SLC12A9: variants seen among roughly 807,000 people sequenced by gnomAD.
SLC12A9 encodes the protein solute carrier family 12 member 9, also known as CCC-interacting protein 1.
A neutral mutation model predicts 66.0 loss-of-function variants in SLC12A9; 55 were observed. The observed-to-expected ratio is 0.83, with a 90% confidence interval of 0.67 to 1.04. The LOEUF (loss-of-function observed/expected upper bound fraction) is 1.04. Ranked by LOEUF, SLC12A9 falls within the 50% of genes least tolerant of loss-of-function variation. The probability of loss-of-function intolerance (pLI) is 0.00; values close to 1 mark genes in which losing one functional copy is unlikely to be tolerated. For synonymous variants in SLC12A9, 577 were observed against 569.0 expected (o/e 1.01, Z -0.20); for missense variants, 1,061 against 1,241.9 (o/e 0.85, Z 2.19).
At chr7:100,854,853 G>A (rs1814286986) in intron 3 of SLC12A9, 99 bp downstream of exon 3, 2 of 1,510,626 alleles carry the variant, frequency 1.3e-6, no homozygotes, top group South Asian at 1.2e-5. Flanking sequence ...GGCAAGACAA[G>A]TGTTTTTTTC....
chr7:100,863,667 G>T (rs1369249500), intron 13 of SLC12A9, among the ~76,000 whole-genome samples: 1 of 152,236 alleles, frequency 6.6e-6, no homozygotes, highest in Non-Finnish European at 1.5e-5. Context: ...TGGGGCGGAC[G>T]TCTGTGGATG....
At chr7:100,840,759 G>GA (rs1005106342) in intron 1 of SLC12A9, among the ~76,000 whole-genome samples, 22 of 144,336 alleles carry the variant, frequency 1.5e-4, no homozygotes, top group South Asian at 4.4e-4. Context: ...AAGCAGTTAA[G>GA]AAAAAAAAAA....
At chr7:100,857,574 C>T (rs1584697661) in intron 5 of SLC12A9, 1 of 194,804 alleles carries the variant, frequency 5.1e-6, no homozygotes, top group East Asian at 1.3e-4. Flanking sequence ...GTGGGGGATT[C>T]AGCCAGGAGC....
In SLC12A9 at chr7:100,866,419, G is replaced by GGGTGGGCCGGAGGGTGGGGATGC; in HGVS notation, c.2560_2582dup (p.Glu862ValfsTer40). The GGGTGGGCCGGAGGGTGGGGATGC allele has an allele frequency of 6.5e-7, 1 of 1,545,450 alleles. No individual in the cohort carries two copies. The highest frequency in any genetic ancestry group is 8.7e-7 in the Non-Finnish European group (1 of 1,144,366). ...AGGGGCGCGGCACAGGAGGAGGGCCGGGTGGGCCGGAGGGTGGGGATGCTG... is the reference window on the plus strand; with the variant it reads ...AGGGGCGCGGCACAGGAGGAGGGCCGGGTGGGCCGGAGGGTGGGGATGCGGTGGGCCGGAGGGTGGGGATGCTG... On this transcript the variant is annotated frameshift_variant, in exon 14 of 14. Transcript: ENST00000354161. LOFTEE classifies it high-confidence loss of function. The surrounding 1 kb of genome is among the most constrained non-coding windows in gnomAD (Gnocchi z 7.3).
chr7:100,849,647 G>A (rs567096000), upstream of SLC12A9, among the ~76,000 whole-genome samples: 7 of 151,812 alleles, frequency 4.6e-5, no homozygotes, highest in South Asian at 2.1e-4. Flanking sequence ...CCTGGGATGC[G>A]GAGGGTGCAG....
intron 1 of SLC12A9, among the ~76,000 whole-genome samples, chr7:100,847,701 T>C (rs1271404381): frequency 6.6e-6 from 1 of 152,046 alleles, no homozygotes; most frequent in Non-Finnish European, 1.5e-5. Flanking sequence ...GTTTCCGGCC[T>C]GAGAGGACCA....
chr7:100,854,993 G>A (rs1360409112), intron 3 of SLC12A9, among the ~76,000 whole-genome samples: 4 of 151,956 alleles, frequency 2.6e-5, no homozygotes, highest in South Asian at 2.1e-4. Flanking sequence ...GTGAAACCCC[G>A]ACTCCACTAA....
chr7:100,861,690 G>C lies in SLC12A9; in HGVS notation c.1537-47G>C. On this transcript the variant is annotated intron_variant, in intron 11 of 13. Coordinates refer to ENST00000354161, the MANE Select transcript of SLC12A9 (RefSeq NM_020246.4). This position sits in a 1 kb window ranked among gnomAD's most constrained non-coding sequence, Gnocchi z 5.3. ...CGTCCAGGAGGCGCTGAACGGGGCT[G>C]TGCATTTGATCCTGCCACTTCCCCA... The C allele has an allele frequency of 6.2e-7, 1 of 1,612,864 alleles. No individual in the cohort carries two copies. Among genetic ancestry groups the C allele is most frequent in the Non-Finnish European group, 8.5e-7 (1 of 1,178,942 alleles).
chr7:100,861,764 G>A lies in SLC12A9; in HGVS notation c.1564G>A (p.Val522Ile), dbSNP rs757311730. The A allele has an allele frequency of 9.3e-6, 15 of 1,613,960 alleles. No individual in the cohort carries two copies. In the Admixed American group the frequency reaches 1.2e-4, roughly 13 times the overall value. The change falls in exon 12 of 14, where the codon GTC (valine) becomes ATC (isoleucine). Residue 522 changes from valine (V) to isoleucine (I), a missense_variant. Transcript: ENST00000354161. The surrounding 1 kb of genome is among the most constrained non-coding windows in gnomAD (Gnocchi z 5.3). ...GCGTAAGTATCTGCTTCGGCTGGAC[G>A]TCCGGAAGGATCACGTGAAGTTCTG... ...QVRKYLLRLD[V>I]RKDHVKFWRP...
At chr7:100,841,058 G>A (rs960259925) in intron 1 of SLC12A9, among the ~76,000 whole-genome samples, 78 of 151,948 alleles carry the variant, frequency 5.1e-4, no homozygotes, top group Non-Finnish European at 5.6e-4. Flanking sequence ...CACCAGTTCA[G>A]AAGTATCCTA....
At chr7:100,849,904 G>C (rs1000070811), upstream of SLC12A9, among the ~76,000 whole-genome samples, 1 of 147,934 alleles carries the variant, frequency 6.8e-6, no homozygotes, top group Admixed American at 6.8e-5. Context: ...TCAGAGTCTC[G>C]CTCTGTCACC....
intron 4 of SLC12A9, 30 bp from the exon 5 acceptor site, chr7:100,856,838 C>A (rs754694908): frequency 5.5e-5 from 85 of 1,536,828 alleles, no homozygotes; most frequent in Non-Finnish European, 6.8e-5. Context: ...TAGGATCGGG[C>A]CTTCTAACTC....
rs768179302 is a variant in SLC12A9, at chr7:100,861,022, C to T, written c.1219-116C>T. On this transcript the variant is annotated intron_variant, in intron 9 of 13. Transcript: ENST00000354161. The surrounding 1 kb of genome is among the most constrained non-coding windows in gnomAD (Gnocchi z 5.3). ...ACTGGCACTTTGCAGGGTTCACTGG[C>T]ACTTTCTGGGGCTCATTGACACTTT... The T allele has an allele frequency of 6.4e-6, 10 of 1,569,366 alleles. No homozygotes were observed. The highest frequency in any genetic ancestry group is 7.8e-6 in the Non-Finnish European group (9 of 1,147,468).
In SLC12A9 at chr7:100,861,070, T is replaced by G. The variant is rs1814720136; in HGVS notation, c.1219-68T>G. 2 of 1,610,254 alleles carry G rather than the reference T, an allele frequency of 1.2e-6. No homozygotes were observed. The highest frequency in any genetic ancestry group is 1.7e-4 in the Middle Eastern group (1 of 6,048). ...TTTGGGGTACACTGGCATTCTTTGG[T>G]GTTCACTGGCATTTTGGGGGTGCAC... On this transcript the variant is annotated intron_variant, in intron 9 of 13. Coordinates refer to ENST00000354161, the MANE Select transcript of SLC12A9 (RefSeq NM_020246.4). This position sits in a 1 kb window ranked among gnomAD's most constrained non-coding sequence, Gnocchi z 5.3.
At chr7:100,830,839 C>CA (rs759860755) in intron 1 of SLC12A9, among the ~76,000 whole-genome samples, 18 of 152,222 alleles carry the variant, frequency 1.2e-4, no homozygotes, top group Non-Finnish European at 2.1e-4. Flanking sequence ...CTTCAATTCT[C>CA]AGGAACCACC....
chr7:100,865,797 C>T lies in SLC12A9; in HGVS notation c.1937C>T (p.Ala646Val), dbSNP rs774389612. Residue 646 changes from alanine to valine, a missense_variant, in exon 14 of 14, where the codon GCT becomes GTT. Ala to Val is a moderately conservative substitution (Grantham distance 64, BLOSUM62 0). Transcript: ENST00000354161. The part of the protein sequence containing the change: ...PPQDHFLTDP[A>V]FSEPADSTRE... ...CAGGACCATTTCCTGACGGACCCGG[C>T]TTTCTCTGAGCCTGCAGACAGCACC... 8 of 1,613,916 alleles carry T rather than the reference C, an allele frequency of 5.0e-6. 1 individual carries two copies. The highest frequency in any genetic ancestry group is 6.8e-6 in the Non-Finnish European group (8 of 1,180,028).
chr7:100,835,389 T>C (rs314323), intron 1 of SLC12A9, among the ~76,000 whole-genome samples: 42,299 of 147,988 alleles, frequency 0.29, 6,166 homozygotes, highest in Middle Eastern at 0.43. Context: ...CGGTCGCTCA[T>C]GCCTGTAATC....
At chr7:100,850,136 G>A (rs1194853532), upstream of SLC12A9, among the ~76,000 whole-genome samples, 1 of 151,890 alleles carries the variant, frequency 6.6e-6, no homozygotes, top group Non-Finnish European at 1.5e-5. Context: ...GCCTCCCAAA[G>A]TGCTGGGATT....
upstream of SLC12A9, among the ~76,000 whole-genome samples, chr7:100,851,574 C>A (rs1047401921): frequency 1.3e-5 from 2 of 151,626 alleles, no homozygotes; most frequent in Non-Finnish European, 2.9e-5. Flanking sequence ...CAGGCGCATG[C>A]TTGAGTTCAG....
Sources: allele counts gnomAD v4.1 joint callset (sites outside exome capture counted in the v4.1 genomes callset), GRCh38; gene constraint gnomAD v4.1.1; non-coding constraint Gnocchi (gnomAD v3.1); transcripts MANE v1.5; gene names NCBI Gene and HGNC (gene_info 2026-07-23, HGNC 2026-07-21).